KCNC2: variants seen among roughly 807,000 people sequenced by gnomAD.
KCNC2 encodes potassium voltage-gated channel subfamily C member 2.
A neutral mutation model predicts 44.5 loss-of-function variants in KCNC2; 21 were observed. The ratio of observed to expected loss-of-function variants is 0.47; its 90% CI spans 0.33 to 0.68. The LOEUF is 0.68. Ranked by LOEUF, KCNC2 falls within the 30% of genes least tolerant of loss-of-function variation. The probability of loss-of-function intolerance (pLI) is 0.01; values close to 1 mark genes in which losing one functional copy is unlikely to be tolerated. For missense variants in KCNC2, 589 were observed against 826.2 expected, an observed-to-expected ratio of 0.71 and a Z score of 3.52; for synonymous variants, 391 against 339.1, an observed-to-expected ratio of 1.15 and a Z score of -1.68.
chr12:75,047,216 A>C (rs1258541424), intron 4 of KCNC2, among the ~76,000 whole-genome samples: 2 of 152,014 alleles, frequency 1.3e-5, no homozygotes, highest in Non-Finnish European at 2.9e-5. Flanking sequence ...GCTAATAATA[A>C]AGCATACCAC....
intron 2 of KCNC2, among the ~76,000 whole-genome samples, chr12:75,186,651 AAC>A (rs1318102887): frequency 6.6e-6 from 1 of 152,230 alleles, no homozygotes; most frequent in Non-Finnish European, 1.5e-5. Context: ...TATATTGAGA[AAC>A]AATTTTGCCA....
In KCNC2 at chr12:75,207,704, C is replaced by G; in HGVS notation, c.280G>C (p.Asp94His). ...AACTCGCGGCCGCCACCGGGATGGT[C>G]GCTGGCCCTGCCGCCGCGGGAACTG... ...NCSSRGGRAS[D>H]HPGGGREFFF... Residue 94 changes from aspartate to histidine, a missense_variant, in exon 2 of 5, where the codon GAC becomes CAC. Coordinates refer to ENST00000549446, the MANE Select transcript of KCNC2 (RefSeq NM_139137.4). This position sits in a 1 kb window ranked among gnomAD's most constrained non-coding sequence, Gnocchi z 4.1. 1 of 1,587,620 alleles carries G rather than the reference C, an allele frequency of 6.3e-7. No individual in the cohort carries two copies. Among genetic ancestry groups the G allele is most frequent in the Non-Finnish European group, 8.6e-7 (1 of 1,167,708 alleles).
At chr12:75,049,401 A>G (rs1880923651) in intron 3 of KCNC2, among the ~76,000 whole-genome samples, 1 of 152,162 alleles carries the variant, frequency 6.6e-6, no homozygotes, top group Admixed American at 6.6e-5. Context: ...TATCTAAGTT[A>G]TGGGGAATCA....
intron 2 of KCNC2, among the ~76,000 whole-genome samples, chr12:75,142,463 T>C (rs1889723590): frequency 6.6e-6 from 1 of 152,176 alleles, no homozygotes; most frequent in African/African-American, 2.4e-5. Flanking sequence ...ATAACTATCA[T>C]TGATTAAACA....
At chr12:75,182,439 C>T (rs1365712077) in intron 2 of KCNC2, among the ~76,000 whole-genome samples, 1 of 146,246 alleles carries the variant, frequency 6.8e-6, no homozygotes, top group East Asian at 2.1e-4. Context: ...AGGAGAATGG[C>T]GTGAACCTGG....
intron 2 of KCNC2, among the ~76,000 whole-genome samples, chr12:75,127,151 G>T (rs1415444807): frequency 6.6e-6 from 1 of 152,156 alleles, no homozygotes; most frequent in Non-Finnish European, 1.5e-5. Context: ...AATACAGTCT[G>T]TAACAATCTC....
intron 2 of KCNC2, among the ~76,000 whole-genome samples, chr12:75,073,622 T>A (rs2137045577): frequency 6.6e-6 from 1 of 152,200 alleles, no homozygotes; most frequent in East Asian, 1.9e-4. Flanking sequence ...TTTAGGAGGC[T>A]GTGAATTATT....
chr12:75,096,086 T>G (rs1030071341), intron 2 of KCNC2, among the ~76,000 whole-genome samples: 2 of 151,942 alleles, frequency 1.3e-5, no homozygotes, highest in Non-Finnish European at 2.9e-5. Flanking sequence ...TACAGCTTGA[T>G]CAAATTTCTT....
Position 75,165,880 on chromosome 12 carries a change from G to A in KCNC2, c.687+41417C>T, listed in dbSNP as rs570133205. Among the ~76,000 whole-genome samples the A allele has an allele frequency of 7.3e-5, 11 of 151,490 alleles. No individual in the cohort carries two copies. The South Asian group carries it at 2.3e-3, about 31-fold the overall frequency. On this transcript the variant is annotated intron_variant, in intron 2 of 4. Coordinates refer to ENST00000549446, the MANE Select transcript of KCNC2 (RefSeq NM_139137.4). ...AACAGGCTAGCCATTGCTTATTTGG[G>A]AGGAAACTGATATAAAGATTTGGTT...
chr12:75,106,172 T>C (rs1301841329), intron 2 of KCNC2, among the ~76,000 whole-genome samples: 2 of 152,162 alleles, frequency 1.3e-5, no homozygotes, highest in African/African-American at 4.8e-5. Context: ...TTGTCAAGGA[T>C]TTAAGATTTA....
intron 2 of KCNC2, among the ~76,000 whole-genome samples, chr12:75,091,281 C>T (rs1395548272): frequency 6.6e-6 from 1 of 151,652 alleles, no homozygotes; most frequent in East Asian, 1.9e-4. Context: ...TATTCTTCAA[C>T]TTTTTCTTTT....
At chr12:75,096,750 T>C (rs1885957889) in intron 2 of KCNC2, among the ~76,000 whole-genome samples, 2 of 152,048 alleles carry the variant, frequency 1.3e-5, no homozygotes, top group Admixed American at 6.6e-5. Context: ...TCATATTTAA[T>C]CAGTTGAAAC....
At chr12:75,156,963 A>T (rs1890803462) in intron 2 of KCNC2, among the ~76,000 whole-genome samples, 1 of 151,828 alleles carries the variant, frequency 6.6e-6, no homozygotes, top group Non-Finnish European at 1.5e-5. Context: ...TATGCGCTAT[A>T]AACCAACTTA....
At chr12:75,208,311 T>C (rs927448184) in intron 1 of KCNC2, among the ~76,000 whole-genome samples, 2 of 152,060 alleles carry the variant, frequency 1.3e-5, no homozygotes, top group Admixed American at 1.3e-4. Context: ...CTTTTCACCT[T>C]CCACTCTTCC....
chr12:75,063,241 T>A (rs1393152908), intron 2 of KCNC2, among the ~76,000 whole-genome samples: 1 of 152,112 alleles, frequency 6.6e-6, no homozygotes, highest in African/African-American at 2.4e-5. Context: ...ACATTATTTG[T>A]TGATTTTCAT....
intron 2 of KCNC2, among the ~76,000 whole-genome samples, chr12:75,142,671 G>C (rs1225837788): frequency 6.6e-6 from 1 of 152,208 alleles, no homozygotes. Context: ...TTAGCTGGGA[G>C]TCAGCCAGGA....
chr12:75,121,608 C>G (rs537850978), intron 2 of KCNC2, among the ~76,000 whole-genome samples: 179 of 152,242 alleles, frequency 1.2e-3, no homozygotes, highest in South Asian at 5.8e-3. Context: ...CTATTGAAAG[C>G]AGAATGTTGT....
At chr12:75,061,185 T>C (rs989600923) in intron 2 of KCNC2, among the ~76,000 whole-genome samples, 8 of 152,256 alleles carry the variant, frequency 5.3e-5, no homozygotes, top group African/African-American at 1.9e-4. Context: ...GCAAAGATTA[T>C]GGCCATACCA....
At chr12:75,049,412 A>G (rs1374283907) in intron 3 of KCNC2, among the ~76,000 whole-genome samples, 1 of 152,140 alleles carries the variant, frequency 6.6e-6, no homozygotes, top group East Asian at 1.9e-4. Context: ...TGGGGAATCA[A>G]TAAACCCTAC....
Sources: allele counts gnomAD v4.1 joint callset (sites outside exome capture counted in the v4.1 genomes callset), GRCh38; gene constraint gnomAD v4.1.1; non-coding constraint Gnocchi (gnomAD v3.1); transcripts MANE v1.5; gene names NCBI Gene and HGNC (gene_info 2026-07-23, HGNC 2026-07-21).